Variants in SLC24A2 observed in about 807,000 individuals in gnomAD.
SLC24A2 encodes the protein solute carrier family 24 member 2, also known as sodium/potassium/calcium exchanger 2.
In SLC24A2, 36 loss-of-function variants were observed where a neutral mutation model predicts 62.0. The ratio of observed to expected loss-of-function variants is 0.58; its 90% CI spans 0.44 to 0.77. The LOEUF is 0.77. Among genes scored for constraint, SLC24A2 ranks in the 30% least tolerant of loss-of-function variants. SLC24A2 has a pLI of 0.00. For missense variants in SLC24A2, 846 were observed against 817.9 expected (o/e 1.03, Z -0.42); for synonymous variants, 358 against 294.0 (o/e 1.22, Z -2.23).
At chr9:20,062,288 A>G in the SLC24A2 span, among the ~76,000 whole-genome samples, 3 of 152,014 alleles carry the variant, frequency 2.0e-5, no homozygotes, top group Admixed American at 2.0e-4. Flanking sequence ...AGGTACCAAA[A>G]CAGAGATATA....
intron 2 of SLC24A2, among the ~76,000 whole-genome samples, chr9:19,767,834 G>A (rs1822565997): frequency 6.6e-6 from 1 of 152,108 alleles, no homozygotes; most frequent in Admixed American, 6.6e-5. Context: ...ATCTTTTGTT[G>A]GTTATAAAAG....
chr9:20,123,659 G>C, the SLC24A2 span, among the ~76,000 whole-genome samples: 2 of 152,146 alleles, frequency 1.3e-5, no homozygotes, highest in African/African-American at 4.8e-5. Flanking sequence ...TGTGGACTGA[G>C]CTAATATAAG....
At chr9:20,121,637 C>T in the SLC24A2 span, among the ~76,000 whole-genome samples, 1 of 152,010 alleles carries the variant, frequency 6.6e-6, no homozygotes, top group African/African-American at 2.4e-5. Flanking sequence ...CGGGAATGTC[C>T]ATTTTTTCCA....
the SLC24A2 span, among the ~76,000 whole-genome samples, chr9:19,906,401 C>T: frequency 2.0e-5 from 3 of 151,372 alleles, no homozygotes; most frequent in Non-Finnish European, 4.4e-5. Context: ...GACACCCTAA[C>T]ATCACAATTA....
At chr9:20,019,303 GAA>G in the SLC24A2 span, among the ~76,000 whole-genome samples, 1 of 147,650 alleles carries the variant, frequency 6.8e-6, no homozygotes, top group Non-Finnish European at 1.5e-5. Context: ...AAGAAAGAAA[GAA>G]AGAAAGAAAG....
chr9:20,229,223 T>C, the SLC24A2 span, among the ~76,000 whole-genome samples: 15 of 152,302 alleles, frequency 9.8e-5, no homozygotes, highest in East Asian at 9.6e-4. Flanking sequence ...AGACAGGTTA[T>C]GGAGTCTGAT....
intron 8 of SLC24A2, among the ~76,000 whole-genome samples, chr9:19,549,780 C>T (rs1834754173): frequency 6.6e-6 from 1 of 152,180 alleles, no homozygotes; most frequent in Admixed American, 6.5e-5. Context: ...AAGCCATCCA[C>T]AATGTGCCCT....
the SLC24A2 span, among the ~76,000 whole-genome samples, chr9:20,063,591 A>G: frequency 6.6e-6 from 1 of 152,100 alleles, no homozygotes; most frequent in Non-Finnish European, 1.5e-5. Flanking sequence ...ATGTATACAT[A>G]TGTAACTAAC....
chr9:19,608,655 T>C (rs1017000389), intron 4 of SLC24A2, among the ~76,000 whole-genome samples: 1 of 152,176 alleles, frequency 6.6e-6, no homozygotes, highest in East Asian at 1.9e-4. Flanking sequence ...GAGAATTACA[T>C]GAGATGACTT....
At chr9:20,158,833 T>G in the SLC24A2 span, among the ~76,000 whole-genome samples, 2 of 151,736 alleles carry the variant, frequency 1.3e-5, no homozygotes, top group East Asian at 2.0e-4. Flanking sequence ...AATAAAACTT[T>G]CCAAAAATAA....
At chr9:19,562,060 C>T (rs965040576) in intron 7 of SLC24A2, among the ~76,000 whole-genome samples, 1 of 152,166 alleles carries the variant, frequency 6.6e-6, no homozygotes, top group Admixed American at 6.5e-5. Context: ...TGAAATGCAA[C>T]TGTTATCCCT....
chr9:19,697,858 C>G (rs377514216), intron 2 of SLC24A2, among the ~76,000 whole-genome samples: 2 of 152,042 alleles, frequency 1.3e-5, no homozygotes, highest in Non-Finnish European at 2.9e-5. Context: ...CAAAGTTCAC[C>G]TGAAAAAACA....
chr9:19,688,734 GAT>G (rs1819957503), intron 2 of SLC24A2, among the ~76,000 whole-genome samples: 1 of 152,030 alleles, frequency 6.6e-6, no homozygotes, highest in Non-Finnish European at 1.5e-5. Flanking sequence ...TTATTTTACT[GAT>G]ATAAGTTTCT....
At chr9:19,984,707 A>G in the SLC24A2 span, among the ~76,000 whole-genome samples, 1 of 152,238 alleles carries the variant, frequency 6.6e-6, no homozygotes, top group Non-Finnish European at 1.5e-5. Context: ...CTCTGTCTCA[A>G]CAAATAAATA....
the SLC24A2 span, among the ~76,000 whole-genome samples, chr9:20,154,118 C>G: frequency 2.6e-5 from 4 of 151,750 alleles, no homozygotes; most frequent in African/African-American, 4.8e-5. Flanking sequence ...TTGATTTAGT[C>G]TGATGTATAT....
chr9:20,067,757 G>T, the SLC24A2 span, among the ~76,000 whole-genome samples: 1 of 152,128 alleles, frequency 6.6e-6, no homozygotes, highest in East Asian at 1.9e-4. Flanking sequence ...CAGTGTATAT[G>T]TACCACATTT....
chr9:19,714,923 G>C (rs1820815957), intron 2 of SLC24A2, among the ~76,000 whole-genome samples: 1 of 151,974 alleles, frequency 6.6e-6, no homozygotes, highest in African/African-American at 2.4e-5. Context: ...CTCAGGGGTG[G>C]GGTGGAGAGG....
intron 7 of SLC24A2, among the ~76,000 whole-genome samples, chr9:19,563,279 CTTA>C (rs1210826998): frequency 1.3e-5 from 2 of 152,152 alleles, no homozygotes; most frequent in Non-Finnish European, 2.9e-5. Context: ...GGCAGAACCT[CTTA>C]TTATACTTCA....
chr9:20,212,791 T>C, the SLC24A2 span, among the ~76,000 whole-genome samples: 2 of 151,286 alleles, frequency 1.3e-5, no homozygotes, highest in African/African-American at 4.9e-5. Flanking sequence ...ATAAAATATG[T>C]GTAAATATAC....
Sources: allele counts gnomAD v4.1 joint callset (sites outside exome capture counted in the v4.1 genomes callset), GRCh38; gene constraint gnomAD v4.1.1; transcripts MANE v1.5; gene names NCBI Gene and HGNC (gene_info 2026-07-23, HGNC 2026-07-21).